Variants in GJC1 observed in about 807,000 individuals in gnomAD.
GJC1 encodes gap junction gamma-1 protein.
Under a neutral mutation model 29.3 loss-of-function variants are expected in GJC1, and 5 were observed. The observed-to-expected ratio is 0.17, with a 90% CI of 0.09 to 0.36. The LOEUF (loss-of-function observed/expected upper bound fraction) is 0.36, where lower values mean the gene tolerates loss of function less well. Among genes scored for constraint, GJC1 ranks in the 10% least tolerant of loss-of-function variants. The pLI, the probability that GJC1 is intolerant of heterozygous loss-of-function variation, is 1.00. For missense variants in GJC1, 310 were observed against 496.2 expected (o/e 0.62, Z 3.56); for synonymous variants, 177 against 183.3 (o/e 0.97, Z 0.28).
chr17:44,804,480 G>T lies in GJC1; in HGVS notation c.*147C>A. Reference sequence around the variant, plus strand: ...CCTTTCTCTCCCTCAGCCCAGCCCCGCCTCCAGAGTCCCCTGAGCTTGGAT... The same window carrying T: ...CCTTTCTCTCCCTCAGCCCAGCCCCTCCTCCAGAGTCCCCTGAGCTTGGAT... On this transcript the variant is annotated 3_prime_UTR_variant, in exon 3 of 3. Coordinates refer to ENST00000592524, the MANE Select transcript of GJC1 (RefSeq NM_005497.4). 1.6e-6 allele frequency: 1 copy of T among 642,458 alleles called. No homozygotes were observed. The allele number at this position is 642,458 out of a possible 1,614,324, so 39.8% of individuals were successfully genotyped here. A position where few individuals can be genotyped will look rare whatever the true frequency, so the allele number is the denominator to read the frequency against.
chr17:44,815,567 C>T (rs148139509), intron 1 of GJC1, among the ~76,000 whole-genome samples: 59 of 152,218 alleles, frequency 3.9e-4, no homozygotes, highest in African/African-American at 1.3e-3. Context: ...TGCTCCTTTA[C>T]TAGATGCAAA....
Position 44,802,071 on chromosome 17 carries a change from G to A in GJC1, c.*2556C>T, listed in dbSNP as rs1383486297. 2.6e-5 allele frequency: 4 copies of A among 152,334 alleles called. No homozygotes were observed. The highest frequency in any genetic ancestry group is 9.6e-5 in the African/African-American group (4 of 41,566). 9.4% of individuals were successfully genotyped at this position (152,334 alleles called of 1,614,324 possible). On this transcript the variant is annotated 3_prime_UTR_variant, in exon 3 of 3. Transcript: ENST00000592524. ...GAATAAAAATAGATTTTAAAAGTGT[G>A]TGCATGTGGGGAGGTGACAGAATAT...
chr17:44,815,312 T>C (rs565410979), intron 1 of GJC1, among the ~76,000 whole-genome samples: 1 of 152,290 alleles, frequency 6.6e-6, no homozygotes, highest in East Asian at 1.9e-4. Context: ...CCTGAATAGC[T>C]GGGGTCCAAC....
Position 44,819,614 on chromosome 17 carries a change from C to T in GJC1, c.-97+10448G>A, listed in dbSNP as rs548691757. Among the ~76,000 whole-genome samples the T allele has an allele frequency of 1.5e-3, 229 of 151,554 alleles. 2 individuals carry two copies. The highest frequency in any genetic ancestry group is 8.4e-4 in the South Asian group (4 of 4,790). ...CAGAGCTTGCAGTGAGCCGAGATCACGCCACTGCACTCCAGCCTGGGCGAC... is the reference window on the plus strand; with the variant it reads ...CAGAGCTTGCAGTGAGCCGAGATCATGCCACTGCACTCCAGCCTGGGCGAC... On this transcript the variant is annotated intron_variant, in intron 1 of 2. Coordinates refer to ENST00000592524, the MANE Select transcript of GJC1 (RefSeq NM_005497.4).
rs2049841953 is a variant in GJC1 at position 44,801,308 on chromosome 17, C to T, written c.*3319G>A. ...TTAAGAAAAAAAAGAGCAAAGGACACACCACATCTGCATAAATCCAAGTGT... is the reference window on the plus strand; with the variant it reads ...TTAAGAAAAAAAAGAGCAAAGGACATACCACATCTGCATAAATCCAAGTGT... On this transcript the variant is annotated 3_prime_UTR_variant, in exon 3 of 3. Coordinates refer to ENST00000592524, the MANE Select transcript of GJC1 (RefSeq NM_005497.4). 1 of 152,192 alleles carries T rather than the reference C, an allele frequency of 6.6e-6. No individual in the cohort carries two copies. The highest frequency in any genetic ancestry group is 1.9e-4 in the East Asian group (1 of 5,174). 9.4% of individuals were successfully genotyped at this position (152,192 alleles called of 1,614,324 possible).
intron 1 of GJC1, among the ~76,000 whole-genome samples, chr17:44,819,760 C>T (rs900150529): frequency 6.6e-6 from 1 of 152,110 alleles, no homozygotes; most frequent in Non-Finnish European, 1.5e-5. Flanking sequence ...TATGTACATA[C>T]CACGTTTTTT....
chr17:44,797,098 T>C (rs1891025847), downstream of GJC1, among the ~76,000 whole-genome samples: 1 of 151,876 alleles, frequency 6.6e-6, no homozygotes, highest in South Asian at 2.1e-4. Flanking sequence ...CTCTGTTATA[T>C]ATATTTTTTA....
chr17:44,794,625 A>G (rs2145270919), downstream of GJC1: 1 of 152,344 alleles, frequency 6.6e-6, no homozygotes, highest in African/African-American at 2.4e-5. Context: ...AGGAGTACAC[A>G]AACTAAAAAT....
chr17:44,810,569 G>A (rs372864882), intron 1 of GJC1, among the ~76,000 whole-genome samples: 17 of 152,140 alleles, frequency 1.1e-4, no homozygotes, highest in African/African-American at 3.6e-4. Context: ...TGAAGTCTTC[G>A]GAATGAGTAT....
intron 1 of GJC1, chr17:44,829,786 C>G (rs968531296): frequency 1.3e-5 from 2 of 152,082 alleles, no homozygotes; most frequent in Non-Finnish European, 2.9e-5. Flanking sequence ...CACCCCCGAG[C>G]CGTTTCCCTC....
At chr17:44,795,921 T>C (rs2049780546), downstream of GJC1, among the ~76,000 whole-genome samples, 1 of 152,240 alleles carries the variant, frequency 6.6e-6, no homozygotes. Flanking sequence ...TGCAAGGTTT[T>C]ATTGAGTGGA....
intron 1 of GJC1, among the ~76,000 whole-genome samples, chr17:44,817,165 C>G (rs535480732): frequency 2.6e-5 from 4 of 151,898 alleles, no homozygotes; most frequent in African/African-American, 9.7e-5. Context: ...GAGATCGTGC[C>G]ATTGCACTCC....
downstream of GJC1, chr17:44,797,642 A>T (rs959302575): frequency 2.0e-5 from 3 of 152,190 alleles, no homozygotes; most frequent in African/African-American, 7.2e-5. Flanking sequence ...GGAGATATCT[A>T]AAGGAAACAA....
downstream of GJC1, among the ~76,000 whole-genome samples, chr17:44,796,537 TTC>T (rs962749348): frequency 4.4e-4 from 67 of 152,256 alleles, no homozygotes; most frequent in African/African-American, 1.6e-3. Flanking sequence ...TTCAAAACAA[TTC>T]TCTTTCCCCT....
At position 44,804,472 on chromosome 17, in the gene GJC1, C is replaced by T; in HGVS notation, c.*155G>A. On this transcript the variant is annotated 3_prime_UTR_variant, in exon 3 of 3. Coordinates refer to ENST00000592524, the MANE Select transcript of GJC1 (RefSeq NM_005497.4). ...TGTGTTTCCCTTTCTCTCCCTCAGC[C>T]CAGCCCCGCCTCCAGAGTCCCCTGA... is the stretch of plus-strand genomic sequence containing the variant. The T allele has an allele frequency of 1.6e-6, 1 of 623,938 alleles. No individual in the cohort carries two copies. Among genetic ancestry groups the T allele is most frequent in the Non-Finnish European group, 2.8e-6 (1 of 354,932 alleles). The allele number at this position is 623,938 out of a possible 1,614,324, so 38.7% of individuals were successfully genotyped here.
At chr17:44,824,716 A>T (rs2050150239) in intron 1 of GJC1, among the ~76,000 whole-genome samples, 1 of 151,716 alleles carries the variant, frequency 6.6e-6, no homozygotes, top group Non-Finnish European at 1.5e-5. Context: ...AGGCTGAGGC[A>T]GGAGAATTGC....
rs956978152 is a variant in GJC1, at chr17:44,798,635, A to G, written c.*5992T>C. ...ATGCAATATCCAAACTGCACACCAC[A>G]TGACATTAGATTGCTGGTTAACCAT... On this transcript the variant is annotated 3_prime_UTR_variant, in exon 3 of 3. Coordinates refer to ENST00000592524, the MANE Select transcript of GJC1 (RefSeq NM_005497.4). 2.6e-5 allele frequency: 4 copies of G among 152,198 alleles called. No homozygotes were observed. The highest frequency in any genetic ancestry group is 9.7e-5 in the African/African-American group (4 of 41,434). 9.4% of individuals were successfully genotyped at this position (152,198 alleles called of 1,614,324 possible). A position where few individuals can be genotyped will look rare whatever the true frequency, so the allele number is the denominator to read the frequency against.
chr17:44,804,932 G>C lies in GJC1; in HGVS notation c.886C>G (p.Pro296Ala), dbSNP rs1173983986. 1 of 1,614,008 alleles carries C rather than the reference G, an allele frequency of 6.2e-7. No homozygotes were observed. Among genetic ancestry groups the C allele is most frequent in the African/African-American group, 1.3e-5 (1 of 74,914 alleles). The stretch of plus-strand genomic sequence containing the variant: ...AGTTCGGTGTACTGGATTTGATCTG[G>C]TTTGACAGCAATGTTATAGCCAGGG... ...APPGYNIAVK[P>A]DQIQYTELSN... The change falls in exon 3 of 3, where the codon CCA becomes GCA. Residue 296 changes from proline (P) to alanine (A), a missense_variant. This residue lies in a region of GJC1 where 146 missense variants were observed against 165.0 expected (regional missense o/e 0.88). Transcript: ENST00000592524.
intron 2 of GJC1, among the ~76,000 whole-genome samples, chr17:44,807,015 T>C (rs1414110878): frequency 6.6e-6 from 1 of 152,212 alleles, no homozygotes; most frequent in Non-Finnish European, 1.5e-5. Context: ...TTGGTTTTAC[T>C]TAGAAGCCCA....
Sources: gnomAD v4.1 joint callset for allele counts (sites outside exome capture counted in the v4.1 genomes callset) on GRCh38, gnomAD v4.1.1 for gene constraint, gnomAD v4.1.1 regional missense constraint, MANE v1.5 for transcripts, NCBI Gene and HGNC (gene_info 2026-07-23, HGNC 2026-07-21) for gene names.